Variants in SIN3A observed in about 807,000 individuals in gnomAD.
The protein encoded by SIN3A is paired amphipathic helix protein Sin3a.
A neutral mutation model predicts 146.1 loss-of-function variants in SIN3A; 14 were observed. That is an observed-to-expected ratio of 0.10 (90% CI 0.06 to 0.15). The LOEUF is 0.15. Among genes scored for constraint, SIN3A ranks in the 10% least tolerant of loss-of-function variants. The pLI is 1.00. For missense variants in SIN3A, 1,028 were observed against 1,576.0 expected (o/e 0.65, Z 5.89); for synonymous variants, 572 against 572.0 (o/e 1.00, Z 0.00).
At chr15:75,448,492 T>C (rs1269252390) in intron 1 of SIN3A, among the ~76,000 whole-genome samples, 2 of 119,144 alleles carry the variant, frequency 1.7e-5, no homozygotes, top group African/African-American at 6.0e-5. Context: ...GGACTCCATC[T>C]CAAAAAAAAA....
rs772942517 is a variant in SIN3A, at chr15:75,430,281, C to T, written c.95G>A (p.Arg32Gln). 13 of 1,613,992 alleles carry T rather than the reference C, an allele frequency of 8.1e-6. No homozygotes were observed. The highest frequency in any genetic ancestry group is 1.1e-5 in the Non-Finnish European group (13 of 1,180,024). Residue 32 changes from arginine (R) to glutamine (Q), a missense_variant, in exon 2 of 21, where the codon CGG becomes CAG. This residue lies in a region of SIN3A where 152 missense variants were observed against 231.5 expected (regional missense o/e 0.66). Coordinates refer to ENST00000394947, the MANE Select transcript of SIN3A (RefSeq NM_001145358.2). ...CACAGGAGGGGCAGGGGCAAGCACC[C>T]GGTGCTGGTGAGGAAAAGCCTCTGT... ...GSTEAFPHQH[R>Q]VLAPAPPVYE... is the part of the protein sequence containing the mutation.
In SIN3A at chr15:75,381,510, G is replaced by GTGCCTGAC. The variant is rs2072968791; in HGVS notation, c.3288+102_3288+103insGTCAGGCA. On this transcript the variant is annotated intron_variant, in intron 18 of 20. Coordinates refer to ENST00000394947, the MANE Select transcript of SIN3A (RefSeq NM_001145358.2). ...CATCCAGGTCCTGACCCTTAAACAGGCCTGAGGTGCCTTGGCCTTTTGGCA... is the reference window on the plus strand; with the variant it reads ...CATCCAGGTCCTGACCCTTAAACAGGTGCCTGACCCTGAGGTGCCTTGGCCTTTTGGCA... The GTGCCTGAC allele has an allele frequency of 6.2e-6, 5 of 811,494 alleles. No homozygotes were observed. The East Asian group carries it at 1.2e-4, about 20-fold the overall frequency. The allele number at this position is 811,494 out of a possible 1,614,324, so 50.3% of individuals were successfully genotyped here. A position where few individuals can be genotyped will look rare whatever the true frequency, so the allele number is the denominator to read the frequency against.
intron 1 of SIN3A, among the ~76,000 whole-genome samples, chr15:75,444,290 A>T (rs931133674): frequency 6.6e-6 from 1 of 152,048 alleles, no homozygotes; most frequent in African/African-American, 2.4e-5. Context: ...AAAATACAAA[A>T]ATTAGCTGGG....
chr15:75,429,223 C>A (rs1444231627), intron 2 of SIN3A, among the ~76,000 whole-genome samples: 1 of 151,972 alleles, frequency 6.6e-6, no homozygotes, highest in African/African-American at 2.4e-5. Context: ...GAGTTTAGGA[C>A]CAGCCTGAGC....
At chr15:75,438,392 A>C (rs1158545374) in intron 1 of SIN3A, among the ~76,000 whole-genome samples, 1 of 147,116 alleles carries the variant, frequency 6.8e-6, no homozygotes, top group Non-Finnish European at 1.5e-5. Context: ...CAAAAAAAAA[A>C]CGGGTGGGAT....
intron 1 of SIN3A, among the ~76,000 whole-genome samples, chr15:75,438,003 A>AG (rs1347322424): frequency 6.6e-6 from 1 of 152,136 alleles, no homozygotes; most frequent in African/African-American, 2.4e-5. Context: ...TGAGCGACAG[A>AG]GGAAGATCCC....
rs149078556 is a variant in SIN3A at position 75,413,012 on chromosome 15, G to C, written c.507C>G (p.Ser169=). The change falls in exon 5 of 21, where the codon TCC becomes TCG. Residue 169 remains serine, a synonymous_variant. Coordinates refer to ENST00000394947, the MANE Select transcript of SIN3A (RefSeq NM_001145358.2). ...IDTPGVISRV[S]QLFKGHPDLI... ...GATCGGGGTGGCCTTTGAATAGCTG[G>C]GACACACGACTAATCACTCCTGGGG... 1.1e-5 allele frequency: 17 copies of C among 1,613,518 alleles called. No homozygotes were observed. Among genetic ancestry groups the C allele is most frequent in the Non-Finnish European group, 1.4e-5 (16 of 1,179,762 alleles).
In SIN3A at chr15:75,412,832, C is replaced by A. The variant is rs1275768142; in HGVS notation, c.687G>T (p.Gln229His). The A allele has an allele frequency of 6.2e-7, 1 of 1,611,236 alleles. No individual in the cohort carries two copies. The highest frequency in any genetic ancestry group is 2.2e-5 in the East Asian group (1 of 44,702). Residue 229 changes from glutamine to histidine, a missense_variant, in exon 5 of 21, where the codon CAG becomes CAT. This residue lies in a region of SIN3A where 112 missense variants were observed against 135.7 expected (regional missense o/e 0.83). Coordinates refer to ENST00000394947, the MANE Select transcript of SIN3A (RefSeq NM_001145358.2). ...GAGCTGGGGCTGACTGGGCTGAAGG[C>A]TGGGAAGGATGTTGGGGTGGTGGTT... ...QPQPPPQHPS[Q>H]PSAQSAPAPA...
At chr15:75,434,012 G>A (rs796105549) in intron 1 of SIN3A, among the ~76,000 whole-genome samples, 3 of 152,246 alleles carry the variant, frequency 2.0e-5, no homozygotes, top group African/African-American at 4.8e-5. Context: ...ACTGCCCAAG[G>A]TTGCACAGCT....
chr15:75,428,369 A>G (rs2073961889), intron 2 of SIN3A, among the ~76,000 whole-genome samples: 1 of 152,292 alleles, frequency 6.6e-6, no homozygotes, highest in Non-Finnish European at 1.5e-5. Context: ...TCTGAAGTAC[A>G]GTTGCTTGAT....
rs571222840 is a variant in SIN3A at position 75,417,782 on chromosome 15, T to A, written c.367-3471A>T. ...AAATGTGTCCCACAAAATTCTTACA[T>A]CGAAACTTAATCACCGATATGATGA... On this transcript the variant is annotated intron_variant, in intron 3 of 20. Coordinates refer to ENST00000394947, the MANE Select transcript of SIN3A (RefSeq NM_001145358.2). 6.5e-4 allele frequency among the ~76,000 whole-genome samples: 99 copies of A among 152,262 alleles called. No individual in the cohort carries two copies. The South Asian group carries it at 0.01, about 16-fold the overall frequency.
chr15:75,394,639 A>G (rs978727028), intron 14 of SIN3A, 41 bp downstream of exon 14: 7 of 1,512,284 alleles, frequency 4.6e-6, no homozygotes, highest in Non-Finnish European at 6.3e-6. Context: ...TGCTAAATAT[A>G]GACTAGAGTC....
At chr15:75,407,874 C>G (rs1449864776) in intron 8 of SIN3A, among the ~76,000 whole-genome samples, 1 of 106,196 alleles carries the variant, frequency 9.4e-6, no homozygotes, top group Non-Finnish European at 1.7e-5. Context: ...GCCTGGGCAA[C>G]AGAGTGAGAC....
At chr15:75,408,253 G>C (rs2073556977) in intron 8 of SIN3A, among the ~76,000 whole-genome samples, 1 of 152,172 alleles carries the variant, frequency 6.6e-6, no homozygotes, top group Non-Finnish European at 1.5e-5. Context: ...GCTGATTCTT[G>C]CTACCCATAT....
At chr15:75,429,452 C>T (rs2073978909) in intron 2 of SIN3A, among the ~76,000 whole-genome samples, 1 of 152,154 alleles carries the variant, frequency 6.6e-6, no homozygotes, top group African/African-American at 2.4e-5. Flanking sequence ...AAAAGTTATA[C>T]ATGTATTTTT....
intron 3 of SIN3A, among the ~76,000 whole-genome samples, chr15:75,414,723 GGTA>G (rs964299028): frequency 7.2e-4 from 109 of 152,150 alleles, no homozygotes; most frequent in Non-Finnish European, 5.3e-4. Flanking sequence ...TGGGTAACCC[GGTA>G]ATCACTCCAT....
intron 9 of SIN3A, among the ~76,000 whole-genome samples, chr15:75,403,593 T>C (rs893510582): frequency 4.7e-5 from 7 of 150,434 alleles, no homozygotes; most frequent in African/African-American, 1.7e-4. Flanking sequence ...CTGGCTGGAG[T>C]GCAATGGCGC....
chr15:75,374,766 T>G (rs2072821167), intron 20 of SIN3A, among the ~76,000 whole-genome samples: 1 of 152,248 alleles, frequency 6.6e-6, no homozygotes, highest in African/African-American at 2.4e-5. Context: ...TTCACCAGGC[T>G]AATTCCTTGT....
Position 75,396,507 on chromosome 15 carries a change from A to C in SIN3A, c.1855-11T>G. On this transcript the variant is annotated splice_polypyrimidine_tract_variant and intron_variant, in intron 12 of 20. Transcript: ENST00000394947. Reference sequence around the variant, plus strand: ...TAAAACTACATCAAGCTGAAGAGGAAGACAAAGAAGGGTATGCTCAGGACC... The same window carrying C: ...TAAAACTACATCAAGCTGAAGAGGACGACAAAGAAGGGTATGCTCAGGACC... 6.3e-7 allele frequency: 1 copy of C among 1,586,584 alleles called. No homozygotes were observed. The highest frequency in any genetic ancestry group is 8.6e-7 in the Non-Finnish European group (1 of 1,156,276).
Sources: allele counts gnomAD v4.1 joint callset (sites outside exome capture counted in the v4.1 genomes callset), GRCh38; gene constraint gnomAD v4.1.1; regional missense constraint gnomAD v4.1.1; transcripts MANE v1.5; gene names NCBI Gene and HGNC (gene_info 2026-07-23, HGNC 2026-07-21).